BRSK2: variants seen among roughly 807,000 people sequenced by gnomAD.
The protein encoded by BRSK2 is serine/threonine-protein kinase BRSK2.
In BRSK2, 19 loss-of-function variants were observed where a neutral mutation model predicts 83.3. The ratio of observed to expected loss-of-function variants is 0.23; its 90% confidence interval spans 0.16 to 0.33. The LOEUF is 0.33. BRSK2 is among the 10% of genes least tolerant of loss of function. BRSK2 has a pLI of 1.00. For synonymous variants in BRSK2, 519 were observed against 435.4 expected (o/e 1.19, Z -2.39); for missense variants, 798 against 1,042.3 (o/e 0.77, Z 3.23).
At chr11:1,400,549 C>T (rs368809877) in intron 1 of BRSK2, among the ~76,000 whole-genome samples, 3 of 152,220 alleles carry the variant, frequency 2.0e-5, no homozygotes, top group Non-Finnish European at 4.4e-5. Context: ...TCCTGGGCAC[C>T]GAACACTGCC....
Position 1,438,024 on chromosome 11 carries a change from T to C in BRSK2, c.187-282T>C, listed in dbSNP as rs1288031150. Among the ~76,000 whole-genome samples the C allele has an allele frequency of 6.7e-6, 1 of 149,648 alleles. No individual in the cohort carries two copies. Among genetic ancestry groups the C allele is most frequent in the Non-Finnish European group, 1.5e-5 (1 of 67,810 alleles). On this transcript the variant is annotated intron_variant, in intron 2 of 19. Transcript: ENST00000528841. This position sits in a 1 kb window ranked among gnomAD's most constrained non-coding sequence, Gnocchi z 6.4. ...GCCCCAGCTGAGCAGCCCACGTCCCTGCATCCCCCACAGCTGGCACCAAAG... is the reference window on the plus strand; with the variant it reads ...GCCCCAGCTGAGCAGCCCACGTCCCCGCATCCCCCACAGCTGGCACCAAAG...
At chr11:1,392,884 C>T (rs146064961) in intron 1 of BRSK2, among the ~76,000 whole-genome samples, 2 of 152,266 alleles carry the variant, frequency 1.3e-5, no homozygotes, top group East Asian at 1.9e-4. Flanking sequence ...CAGCTCCCCT[C>T]GGTGGCTGTG....
chr11:1,446,045 TAGCTGGGCTG>T (rs1412388735), intron 12 of BRSK2, 138 bp downstream of exon 12: 4 of 810,000 alleles, frequency 4.9e-6, no homozygotes, highest in Non-Finnish European at 5.3e-6. Flanking sequence ...AAACTGGGCT[TAGCTGGGCTG>T]GGCTGGGCTG....
chr11:1,446,929 C>T (rs577817522), intron 12 of BRSK2, among the ~76,000 whole-genome samples: 29 of 152,198 alleles, frequency 1.9e-4, no homozygotes, highest in Admixed American at 1.4e-3. Flanking sequence ...GCCTGTTCCT[C>T]GGGAACTTGG....
At chr11:1,451,817 GGCGGA>G (rs1302575035) in intron 15 of BRSK2, among the ~76,000 whole-genome samples, 1 of 152,200 alleles carries the variant, frequency 6.6e-6, no homozygotes, top group Non-Finnish European at 1.5e-5. Flanking sequence ...CGTGTGCAGG[GGCGGA>G]GCGGAGCAGC....
At chr11:1,413,080 T>TGGGGCTGGGCA (rs1847719396) in intron 1 of BRSK2, among the ~76,000 whole-genome samples, 1 of 152,174 alleles carries the variant, frequency 6.6e-6, no homozygotes, top group African/African-American at 2.4e-5. Flanking sequence ...CTGGGGAGGA[T>TGGGGCTGGGCA]GGGGCTGGGC....
At chr11:1,448,577 C>G (rs947981106) in intron 12 of BRSK2, among the ~76,000 whole-genome samples, 1 of 152,152 alleles carries the variant, frequency 6.6e-6, no homozygotes, top group South Asian at 2.1e-4. Flanking sequence ...CTGTCTTCCT[C>G]GTGCCCAGTC....
At chr11:1,457,934 G>A (rs868755432) in intron 18 of BRSK2, among the ~76,000 whole-genome samples, 1 of 152,192 alleles carries the variant, frequency 6.6e-6, no homozygotes, top group Non-Finnish European at 1.5e-5. Context: ...TGGCACAGCG[G>A]GTAAGGAGGA....
intron 18 of BRSK2, among the ~76,000 whole-genome samples, chr11:1,457,760 A>G (rs11028931): frequency 0.4 from 61,505 of 151,878 alleles, 13,156 homozygotes; most frequent in African/African-American, 0.52. Flanking sequence ...GCCCCTCCCC[A>G]TGACATCCTC....
chr11:1,433,694 GGAT>G (rs1849892824), intron 1 of BRSK2, among the ~76,000 whole-genome samples: 1 of 152,268 alleles, frequency 6.6e-6, no homozygotes, highest in Admixed American at 6.5e-5. Context: ...CCTGGATTAT[GGAT>G]GAAGGGCTCT....
chr11:1,395,019 A>G (rs1845983646), intron 1 of BRSK2, among the ~76,000 whole-genome samples: 1 of 152,112 alleles, frequency 6.6e-6, no homozygotes, highest in Non-Finnish European at 1.5e-5. Flanking sequence ...TGGGCTGTGC[A>G]GGGCTGAGCC....
chr11:1,406,244 C>CGGATCA (rs561406598), intron 1 of BRSK2, among the ~76,000 whole-genome samples: 30 of 152,250 alleles, frequency 2.0e-4, no homozygotes, highest in African/African-American at 7.0e-4. Flanking sequence ...GCCAAGGCTG[C>CGGATCA]CAAGGTCAGG....
Position 1,454,381 on chromosome 11 carries a change from G to A in BRSK2, c.1545-104G>A, listed in dbSNP as rs548317957. ...CTGTGGAGACAGCCGTTTCTATCACGAAGCGATGGAAGATTCCGCCGTTCC... is the reference window on the plus strand; with the variant it reads ...CTGTGGAGACAGCCGTTTCTATCACAAAGCGATGGAAGATTCCGCCGTTCC... On this transcript the variant is annotated intron_variant, in intron 15 of 19. Transcript: ENST00000528841. This position sits in a 1 kb window ranked among gnomAD's most constrained non-coding sequence, Gnocchi z 5.2. The A allele has an allele frequency of 5.4e-5, 74 of 1,369,074 alleles. No homozygotes were observed. The highest frequency in any genetic ancestry group is 4.4e-4 in the African/African-American group (31 of 70,202). 84.8% of individuals were successfully genotyped at this position (1,369,074 alleles called of 1,614,324 possible).
At chr11:1,395,531 G>A (rs1846018055) in intron 1 of BRSK2, among the ~76,000 whole-genome samples, 1 of 152,338 alleles carries the variant, frequency 6.6e-6, no homozygotes, top group East Asian at 1.9e-4. Flanking sequence ...CGGGTGGTGA[G>A]GACGGCAGTT....
At chr11:1,391,310 C>T (rs1437836031) in intron 1 of BRSK2, among the ~76,000 whole-genome samples, 1 of 152,156 alleles carries the variant, frequency 6.6e-6, no homozygotes, top group African/African-American at 2.4e-5. Flanking sequence ...GGCACTGCCT[C>T]TCCCTTCCAA....
rs141034886 is a variant in BRSK2, at chr11:1,438,828, C to T, written c.272+437C>T. ...ACACGAGGCACAGCCACCAGGATCC[C>T]GCCCTGGCTGGACCGTGGCTGAGTG... On this transcript the variant is annotated intron_variant, in intron 3 of 19. Coordinates refer to ENST00000528841, the MANE Select transcript of BRSK2 (RefSeq NM_001256627.2). This position sits in a 1 kb window ranked among gnomAD's most constrained non-coding sequence, Gnocchi z 6.4. 3.0e-4 allele frequency among the ~76,000 whole-genome samples: 45 copies of T among 152,306 alleles called. No homozygotes were observed. Among genetic ancestry groups the T allele is most frequent in the African/African-American group, 4.6e-4 (19 of 41,558 alleles).
intron 3 of BRSK2, among the ~76,000 whole-genome samples, chr11:1,440,449 C>G (rs1022680945): frequency 1.3e-5 from 2 of 152,152 alleles, no homozygotes; most frequent in South Asian, 4.1e-4. Flanking sequence ...CCCCATGCAC[C>G]GAGCCTTGGC....
At chr11:1,436,480 A>G (rs1850314006) in intron 2 of BRSK2, among the ~76,000 whole-genome samples, 1 of 151,978 alleles carries the variant, frequency 6.6e-6, no homozygotes, top group Non-Finnish European at 1.5e-5. Context: ...GCCTCAGAGC[A>G]CCCCTCTCCT....
intron 1 of BRSK2, among the ~76,000 whole-genome samples, chr11:1,428,714 C>T (rs747679267): frequency 2.0e-5 from 3 of 152,234 alleles, no homozygotes; most frequent in Non-Finnish European, 4.4e-5. Flanking sequence ...TGTGTGTGCA[C>T]ACTGGGAGTG....
Sources: allele counts gnomAD v4.1 joint callset (sites outside exome capture counted in the v4.1 genomes callset), GRCh38; gene constraint gnomAD v4.1.1; non-coding constraint Gnocchi (gnomAD v3.1); transcripts MANE v1.5; gene names NCBI Gene and HGNC (gene_info 2026-07-23, HGNC 2026-07-21).